The following CATSPERB variants were observed in gnomAD, a reference collection of about 807,000 sequenced individuals.
The protein encoded by CATSPERB is cation channel sperm-associated auxiliary subunit beta.
In CATSPERB, 93 loss-of-function variants were observed where a neutral mutation model predicts 128.3. The observed-to-expected ratio is 0.72, with a 90% confidence interval of 0.61 to 0.86. The LOEUF is 0.86. Among genes scored for constraint, CATSPERB ranks in the 40% least tolerant of loss-of-function variants. The pLI, the probability that CATSPERB is intolerant of heterozygous loss-of-function variation, is 0.00. For synonymous variants in CATSPERB, 381 were observed against 448.8 expected (o/e 0.85, Z 1.91); for missense variants, 1,153 against 1,329.5 (o/e 0.87, Z 2.06).
intron 17 of CATSPERB, among the ~76,000 whole-genome samples, chr14:91,634,415 G>A (rs1894332765): frequency 6.6e-6 from 1 of 151,800 alleles, no homozygotes; most frequent in Non-Finnish European, 1.5e-5. Flanking sequence ...GTACTGGCAG[G>A]TAATAAGATT....
chr14:91,602,327 A>G (rs542084631), intron 22 of CATSPERB, among the ~76,000 whole-genome samples: 2 of 152,344 alleles, frequency 1.3e-5, no homozygotes, highest in East Asian at 3.9e-4. Context: ...AATAAAAAAT[A>G]AAATTATTTT....
At chr14:91,701,007 A>G (rs996722593) in intron 7 of CATSPERB, among the ~76,000 whole-genome samples, 1 of 152,220 alleles carries the variant, frequency 6.6e-6, no homozygotes, top group African/African-American at 2.4e-5. Context: ...TTTAAGAAGA[A>G]TATTGCCATA....
intron 26 of CATSPERB, among the ~76,000 whole-genome samples, chr14:91,582,322 C>T (rs1310771180): frequency 6.6e-6 from 1 of 152,250 alleles, no homozygotes; most frequent in Non-Finnish European, 1.5e-5. Flanking sequence ...AAGCCTTCCA[C>T]AATTGGACCC....
At chr14:91,583,440 C>T (rs1893243850) in intron 26 of CATSPERB, among the ~76,000 whole-genome samples, 1 of 152,076 alleles carries the variant, frequency 6.6e-6, no homozygotes, top group Admixed American at 6.6e-5. Flanking sequence ...TTTTCACTTG[C>T]TTATTTAAGC....
At chr14:91,591,591 C>T (rs1893403240) in intron 23 of CATSPERB, among the ~76,000 whole-genome samples, 1 of 151,442 alleles carries the variant, frequency 6.6e-6, no homozygotes, top group Non-Finnish European at 1.5e-5. Flanking sequence ...GTTTTACAGA[C>T]TACAAGTTGC....
At chr14:91,637,886 CT>C (rs976596319) in intron 16 of CATSPERB, among the ~76,000 whole-genome samples, 1 of 151,770 alleles carries the variant, frequency 6.6e-6, no homozygotes, top group Admixed American at 6.6e-5. Context: ...GAGGTAAATG[CT>C]TTTTTTTAGT....
At chr14:91,588,213 AT>A (rs1363271848) in intron 24 of CATSPERB, 135 bp from the exon 25 acceptor site, 1 of 619,976 alleles carries the variant, frequency 1.6e-6, no homozygotes, top group East Asian at 2.8e-5. Context: ...CTAATATAAA[AT>A]TTGTCATGCA....
At chr14:91,617,098 C>T (rs1056307539) in intron 20 of CATSPERB, among the ~76,000 whole-genome samples, 1 of 152,066 alleles carries the variant, frequency 6.6e-6, no homozygotes, top group Non-Finnish European at 1.5e-5. Context: ...ACCGTATACA[C>T]ATATAAAGCG....
intron 26 of CATSPERB, among the ~76,000 whole-genome samples, chr14:91,583,970 C>G (rs1161714732): frequency 6.6e-6 from 1 of 152,176 alleles, no homozygotes; most frequent in Non-Finnish European, 1.5e-5. Flanking sequence ...ACTGAGGCCT[C>G]AAACCCCTGG....
At chr14:91,628,928 A>G (rs979859493) in intron 17 of CATSPERB, among the ~76,000 whole-genome samples, 1 of 152,250 alleles carries the variant, frequency 6.6e-6, no homozygotes, top group Non-Finnish European at 1.5e-5. Context: ...ATAGAAATGG[A>G]AATGATACAG....
chr14:91,696,543 G>A (rs1595182869), intron 7 of CATSPERB, among the ~76,000 whole-genome samples: 1 of 152,162 alleles, frequency 6.6e-6, no homozygotes, highest in African/African-American at 2.4e-5. Context: ...AAAATGGGAG[G>A]TGGAAAAACA....
intron 7 of CATSPERB, among the ~76,000 whole-genome samples, chr14:91,694,358 C>A (rs1218250365): frequency 7.3e-6 from 1 of 137,616 alleles, no homozygotes; most frequent in Non-Finnish European, 1.5e-5. Flanking sequence ...GTGAGAGGAT[C>A]GGTTGAGCTT....
chr14:91,649,600 G>A lies in CATSPERB; in HGVS notation c.1432+10237C>T, dbSNP rs549950801. On this transcript the variant is annotated intron_variant, in intron 15 of 26. Coordinates refer to ENST00000256343, the MANE Select transcript of CATSPERB (RefSeq NM_024764.4). ...TAACCTCCACCTCCTGGGTTCAAGC[G>A]ATTCTCCTGCCTCAGCCTCCCAAGT... Among the ~76,000 whole-genome samples, 50 of 150,704 alleles carry A rather than the reference G, an allele frequency of 3.3e-4. No individual in the cohort carries two copies. In the East Asian group the frequency reaches 9.2e-3, roughly 28 times the overall value.
chr14:91,693,680 C>A (rs1023674399), intron 7 of CATSPERB, among the ~76,000 whole-genome samples: 2 of 152,218 alleles, frequency 1.3e-5, no homozygotes, highest in Non-Finnish European at 2.9e-5. Context: ...ATGATTACTG[C>A]TGGGAATAAT....
chr14:91,598,145 T>C (rs923098402), intron 22 of CATSPERB, among the ~76,000 whole-genome samples: 1 of 151,870 alleles, frequency 6.6e-6, no homozygotes, highest in African/African-American at 2.4e-5. Context: ...TTCTTTCTTA[T>C]ATAAAATTAT....
intron 17 of CATSPERB, among the ~76,000 whole-genome samples, chr14:91,626,267 T>C (rs1055791853): frequency 6.6e-6 from 1 of 152,068 alleles, no homozygotes; most frequent in Admixed American, 6.5e-5. Context: ...TTAAAAAAAT[T>C]ATGTTAAAAT....
chr14:91,589,442 G>T (rs767503646), intron 24 of CATSPERB, 92 bp downstream of exon 24: 415 of 1,277,524 alleles, frequency 3.2e-4, no homozygotes, highest in Non-Finnish European at 4.1e-4. Context: ...GCTCTCTTTT[G>T]TGTGAACAGG....
intron 26 of CATSPERB, 126 bp downstream of exon 26, chr14:91,587,076 C>T (rs113597855): frequency 1.8e-4 from 124 of 673,492 alleles, no homozygotes; most frequent in African/African-American, 1.8e-3. Flanking sequence ...TTCAGGATCC[C>T]CTGTCTTTAA....
intron 26 of CATSPERB, among the ~76,000 whole-genome samples, chr14:91,584,888 G>A (rs116956869): frequency 0.012 from 1,829 of 152,174 alleles, 12 homozygotes; most frequent in South Asian, 0.041. Flanking sequence ...TTCAGGCATG[G>A]TTTTCTCTAT....
Sources: allele counts gnomAD v4.1 joint callset (sites outside exome capture counted in the v4.1 genomes callset), GRCh38; gene constraint gnomAD v4.1.1; transcripts MANE v1.5; gene names NCBI Gene and HGNC (gene_info 2026-07-23, HGNC 2026-07-21).